Variants in COL22A1 observed in about 807,000 individuals in gnomAD.
COL22A1 encodes collagen alpha-1(XXII) chain.
Under a neutral mutation model 248.9 loss-of-function variants are expected in COL22A1, and 221 were observed. The observed-to-expected ratio is 0.89, with a 90% CI of 0.80 to 0.99. The LOEUF is 0.99. COL22A1 is among the 50% of genes least tolerant of loss of function. The pLI, the probability that COL22A1 is intolerant of heterozygous loss-of-function variation, is 0.00. For synonymous variants in COL22A1, 891 were observed against 793.4 expected (o/e 1.12, Z -2.07); for missense variants, 2,240 against 2,179.0 (o/e 1.03, Z -0.56).
intron 41 of COL22A1, among the ~76,000 whole-genome samples, chr8:138,666,211 T>A (rs186294619): frequency 1.1e-4 from 17 of 152,350 alleles, no homozygotes; most frequent in Admixed American, 1.1e-3. Flanking sequence ...TTGTCAGAAT[T>A]CTATCTCATT....
intron 36 of COL22A1, among the ~76,000 whole-genome samples, chr8:138,689,911 A>G (rs1436548543): frequency 1.3e-5 from 2 of 152,148 alleles, no homozygotes; most frequent in African/African-American, 4.8e-5. Context: ...TGGCTCAACA[A>G]CATACTCTTT....
chr8:138,821,595 T>A (rs2131754477), intron 6 of COL22A1, among the ~76,000 whole-genome samples, 184 bp from the exon 7 acceptor site: 1 of 152,248 alleles, frequency 6.6e-6, no homozygotes, highest in South Asian at 2.1e-4. Flanking sequence ...GAGCCTCGGG[T>A]TCCTCCTCGC....
At chr8:138,619,280 G>T (rs553200523) in intron 53 of COL22A1, among the ~76,000 whole-genome samples, 175 bp downstream of exon 53, 1 of 152,290 alleles carries the variant, frequency 6.6e-6, no homozygotes, top group Non-Finnish European at 1.5e-5. Flanking sequence ...AATGAATTTC[G>T]CAGCTATGTA....
rs1224978200 is a variant in COL22A1, at chr8:138,694,806, A to T, written c.2646+20T>A. The T allele has an allele frequency of 6.2e-7, 1 of 1,613,168 alleles. No individual in the cohort carries two copies. Among genetic ancestry groups the T allele is most frequent in the South Asian group, 1.1e-5 (1 of 90,942 alleles). On this transcript the variant is annotated intron_variant, in intron 33 of 64. Transcript: ENST00000303045. The stretch of plus-strand genomic sequence containing the variant: ...TCCAGGTAACCAGCCCTGCGGGGGA[A>T]GGGGACACAAGAGACTCACCGGTTC...
At chr8:138,630,819 A>T in intron 49 of COL22A1, 71 bp from the exon 50 acceptor site, 13 of 1,244,280 alleles carry the variant, frequency 1.0e-5, no homozygotes, top group Non-Finnish European at 1.5e-5. Context: ...CTCTGCTTTG[A>T]ATACAAAGCA....
chr8:138,629,842 G>C (rs1369177045), intron 50 of COL22A1, among the ~76,000 whole-genome samples: 1 of 152,108 alleles, frequency 6.6e-6, no homozygotes, highest in Non-Finnish European at 1.5e-5. Context: ...GCTGGCCTTG[G>C]AATATGATGG....
intron 47 of COL22A1, among the ~76,000 whole-genome samples, chr8:138,642,415 C>T (rs1169574734): frequency 6.6e-6 from 1 of 152,188 alleles, no homozygotes; most frequent in East Asian, 1.9e-4. Context: ...CTGCCTGGGG[C>T]TCATCATGCA....
chr8:138,694,606 C>G (rs1247732828), intron 33 of COL22A1, 45 bp from the exon 34 acceptor site: 1 of 1,601,992 alleles, frequency 6.2e-7, no homozygotes, highest in Non-Finnish European at 8.5e-7. Flanking sequence ...CCTCCTGGTT[C>G]TGAGCAGATG....
At chr8:138,775,218 G>C (rs1158701670) in intron 16 of COL22A1, among the ~76,000 whole-genome samples, 1 of 152,154 alleles carries the variant, frequency 6.6e-6, no homozygotes, top group African/African-American at 2.4e-5. Context: ...TCAATGAATG[G>C]GGCTGGGAAG....
intron 41 of COL22A1, among the ~76,000 whole-genome samples, chr8:138,670,004 A>G (rs1158472519): frequency 6.6e-6 from 1 of 150,380 alleles, no homozygotes; most frequent in African/African-American, 2.5e-5. Context: ...CTCCTGCCTC[A>G]GCCTCCCGAG....
intron 32 of COL22A1, among the ~76,000 whole-genome samples, chr8:138,695,558 C>T (rs925480947): frequency 2.0e-5 from 3 of 151,896 alleles, no homozygotes; most frequent in Non-Finnish European, 4.4e-5. Context: ...GGAACCCAGA[C>T]CTTTGGGGAC....
chr8:138,658,918 GCT>G lies in COL22A1; in HGVS notation c.3285+1516_3285+1517del, dbSNP rs1823543430. The stretch of plus-strand genomic sequence containing the variant: ...CTCTCCCTCTCTCTCTCTCCCCTCA[GCT>G]CTCTGTTCTGCTGCTGACCGCCTGA... On this transcript the variant is annotated intron_variant, in intron 44 of 64. Coordinates refer to ENST00000303045, the MANE Select transcript of COL22A1 (RefSeq NM_152888.3). 4.8e-5 allele frequency among the ~76,000 whole-genome samples: 7 copies of G among 146,896 alleles called. No individual in the cohort carries two copies. In the South Asian group the frequency reaches 1.5e-3, roughly 32 times the overall value.
In COL22A1 at chr8:138,821,267, G is replaced by A; in HGVS notation, c.1114C>T (p.Gln372Ter). Residue 372 changes from glutamine (Q) to a stop codon, truncating the protein, a stop_gained, in exon 7 of 65, where the codon CAG becomes TAG. Coordinates refer to ENST00000303045, the MANE Select transcript of COL22A1 (RefSeq NM_152888.3). LOFTEE classifies it high-confidence loss of function. Reference protein sequence around the residue: ...RDWHKMALSIQAQNVSLHIDC... With the variant: ...RDWHKMALSI ...ATGTGCAGGGAGACGTTCTGGGCCTGGATGCTCAGGGCCATCTTGTGCCAG... is the reference window on the plus strand; with the variant it reads ...ATGTGCAGGGAGACGTTCTGGGCCTAGATGCTCAGGGCCATCTTGTGCCAG... 6.2e-7 allele frequency: 1 copy of A among 1,614,210 alleles called. No individual in the cohort carries two copies. Among genetic ancestry groups the A allele is most frequent in the Non-Finnish European group, 8.5e-7 (1 of 1,180,040 alleles).
chr8:138,659,619 C>A (rs1823606933), intron 44 of COL22A1, among the ~76,000 whole-genome samples: 1 of 152,204 alleles, frequency 6.6e-6, no homozygotes, highest in Admixed American at 6.5e-5. Flanking sequence ...CAGCACATCC[C>A]CACTGCTCCT....
intron 44 of COL22A1, among the ~76,000 whole-genome samples, chr8:138,659,346 A>C (rs1484418846): frequency 6.6e-6 from 1 of 152,170 alleles, no homozygotes; most frequent in Admixed American, 6.5e-5. Flanking sequence ...CCACACCCAC[A>C]GGGACATCTG....
intron 5 of COL22A1, chr8:138,827,252 G>C (rs1330809423): frequency 6.1e-6 from 1 of 164,168 alleles, no homozygotes; most frequent in African/African-American, 2.4e-5. Context: ...TCCATATGTT[G>C]AAATCTTCAC....
In COL22A1 at chr8:138,623,750, C is replaced by T. The variant is rs190601718; in HGVS notation, c.3753G>A (p.Pro1251=). 2.0e-5 allele frequency: 32 copies of T among 1,612,232 alleles called. No individual in the cohort carries two copies. The East Asian group carries it at 2.9e-4, about 15-fold the overall frequency. Reference sequence around the variant, plus strand: ...CCTTTACCGGCTCTCCAGGGGGACCCGGCTTTCCATCTCTGCCCTCTTTGC... The same window carrying T: ...CCTTTACCGGCTCTCCAGGGGGACCTGGCTTTCCATCTCTGCCCTCTTTGC... ...EEGKEGRDGK[P]GPPGEPGKAG... is the part of the protein sequence containing the mutation. The change falls in exon 52 of 65, where the codon CCG becomes CCA. Residue 1251 remains proline (P), a synonymous_variant. Transcript: ENST00000303045.
chr8:138,854,574 G>T (rs538050319), intron 3 of COL22A1, among the ~76,000 whole-genome samples: 1 of 152,238 alleles, frequency 6.6e-6, no homozygotes, highest in Admixed American at 6.5e-5. Flanking sequence ...CACACTGTAT[G>T]GGCCTCTGCT....
intron 41 of COL22A1, among the ~76,000 whole-genome samples, chr8:138,671,811 C>T (rs938031977): frequency 7.2e-5 from 11 of 152,150 alleles, no homozygotes; most frequent in Non-Finnish European, 1.0e-4. Flanking sequence ...CACAAACTTA[C>T]GGTATTGATA....
Sources: allele counts gnomAD v4.1 joint callset (sites outside exome capture counted in the v4.1 genomes callset), GRCh38; gene constraint gnomAD v4.1.1; transcripts MANE v1.5; gene names NCBI Gene and HGNC (gene_info 2026-07-23, HGNC 2026-07-21).